The following SULT6B1 variants were observed in gnomAD, a reference collection of about 807,000 sequenced individuals.
SULT6B1 encodes sulfotransferase 6B1.
Under a neutral mutation model 37.2 loss-of-function variants are expected in SULT6B1, and 44 were observed. The ratio of observed to expected loss-of-function variants is 1.18; its 90% CI spans 0.93 to 1.52. The LOEUF is 1.52. Among genes scored for constraint, SULT6B1 ranks in the 40% most tolerant of loss-of-function variants. The pLI is 0.00. For missense variants in SULT6B1, 450 were observed against 361.0 expected (o/e 1.25, Z -2.00); for synonymous variants, 140 against 126.0 (o/e 1.11, Z -0.74).
intron 6 of SULT6B1, among the ~76,000 whole-genome samples, chr2:37,170,416 G>A (rs911550776): frequency 3.3e-5 from 5 of 151,792 alleles, no homozygotes; most frequent in African/African-American, 9.7e-5. Flanking sequence ...GCCGTGAGCC[G>A]AGATCGCACT....
intron 6 of SULT6B1, among the ~76,000 whole-genome samples, chr2:37,171,208 C>G (rs929234182): frequency 1.3e-5 from 2 of 152,128 alleles, no homozygotes; most frequent in African/African-American, 2.4e-5. Flanking sequence ...CCACTGCACT[C>G]CAGCCTGGGC....
rs1001680474 is a variant in SULT6B1 at position 37,175,964 on chromosome 2, T to C, written c.530-738A>G. ...AACTGAATTGTATATCCCTTAAAAATTTTGAATTAATTCCATTTTTTTAAA... is the reference window on the plus strand; with the variant it reads ...AACTGAATTGTATATCCCTTAAAAACTTTGAATTAATTCCATTTTTTTAAA... On this transcript the variant is annotated intron_variant, in intron 4 of 6. Coordinates refer to ENST00000535679, the MANE Select transcript of SULT6B1 (RefSeq NM_001367551.1). Among the ~76,000 whole-genome samples the C allele has an allele frequency of 2.0e-5, 3 of 152,352 alleles. No homozygotes were observed. The South Asian group carries it at 6.2e-4, about 32-fold the overall frequency.
chr2:37,194,304 T>C, intron 1 of SULT6B1: 1 of 203,110 alleles, frequency 4.9e-6, no homozygotes, highest in Non-Finnish European at 9.9e-6. Context: ...GGTCTTGAAC[T>C]CCTGACCTCA....
chr2:37,168,975 T>C (rs555968940), intron 6 of SULT6B1, among the ~76,000 whole-genome samples: 1 of 152,314 alleles, frequency 6.6e-6, no homozygotes, highest in South Asian at 2.1e-4. Flanking sequence ...TTTACAAATG[T>C]CATCAGCTAT....
intron 4 of SULT6B1, among the ~76,000 whole-genome samples, chr2:37,178,149 A>G (rs1019745336): frequency 1.3e-5 from 2 of 152,068 alleles, no homozygotes; most frequent in African/African-American, 4.8e-5. Flanking sequence ...GATTCAAACA[A>G]TTCTCCTGCA....
At position 37,188,437 on chromosome 2, in the gene SULT6B1, T is replaced by C. The variant is rs1572466999; in HGVS notation, c.199+5A>G. The stretch of plus-strand genomic sequence containing the variant: ...TGTACTTGTAGGAAACGACTTGTCA[T>C]TTACCGCACTTTGGATAAGATGCTA... On this transcript the variant is annotated splice_donor_5th_base_variant and intron_variant, in intron 1 of 6. Transcript: ENST00000535679. 4.3e-6 allele frequency: 7 copies of C among 1,611,982 alleles called. No individual in the cohort carries two copies. Among genetic ancestry groups the C allele is most frequent in the Middle Eastern group, 3.3e-4 (2 of 6,040 alleles).
Position 37,188,191 on chromosome 2 carries a change from C to T in SULT6B1, c.199+251G>A, listed in dbSNP as rs564229327. Among the ~76,000 whole-genome samples, 210 of 152,298 alleles carry T rather than the reference C, an allele frequency of 1.4e-3. 1 individual carries two copies. The highest frequency in any genetic ancestry group is 4.6e-3 in the African/African-American group (193 of 41,568). On this transcript the variant is annotated intron_variant, in intron 1 of 6. Transcript: ENST00000535679. ...TCCCTTCCAGGCCCGTCATCCACCC[C>T]CTTCTGCCCTCCATCCTCCATCATG...
chr2:37,173,303 G>T (rs952566133), intron 5 of SULT6B1, among the ~76,000 whole-genome samples: 1 of 152,068 alleles, frequency 6.6e-6, no homozygotes, highest in African/African-American at 2.4e-5. Flanking sequence ...CCGCTTCCTG[G>T]TCTCCTTTGC....
chr2:37,179,106 G>C (rs1356715795), intron 4 of SULT6B1, among the ~76,000 whole-genome samples: 1 of 152,022 alleles, frequency 6.6e-6, no homozygotes, highest in African/African-American at 2.4e-5. Context: ...CTACAGGTGC[G>C]TGCCACCACG....
chr2:37,192,219 C>G (rs142747101), upstream of SULT6B1, among the ~76,000 whole-genome samples: 72 of 152,296 alleles, frequency 4.7e-4, 1 homozygote, highest in Middle Eastern at 3.4e-3. Flanking sequence ...AGATGCATTC[C>G]TATTTCTGAA....
chr2:37,183,637 C>T lies in SULT6B1; in HGVS notation c.313-123G>A. 4.5e-6 allele frequency: 3 copies of T among 662,282 alleles called. No homozygotes were observed. In the South Asian group the frequency reaches 6.3e-5, roughly 14 times the overall value. The allele number at this position is 662,282 out of a possible 1,614,324, so 41.0% of individuals were successfully genotyped here. On this transcript the variant is annotated intron_variant, in intron 2 of 6. Transcript: ENST00000535679. ...TAGCACTACTGTCACTATATCTTCTCCTCCTCCTCCAATTTTTCTTTTTTG... is the reference window on the plus strand; with the variant it reads ...TAGCACTACTGTCACTATATCTTCTTCTCCTCCTCCAATTTTTCTTTTTTG...
At chr2:37,182,160 T>C (rs552433673) in intron 3 of SULT6B1, among the ~76,000 whole-genome samples, 30 of 152,288 alleles carry the variant, frequency 2.0e-4, no homozygotes, top group African/African-American at 6.7e-4. Context: ...ACCATTGAAA[T>C]TGTAGTCATC....
At position 37,168,084 on chromosome 2, in the gene SULT6B1, A is replaced by T. The variant is rs752327794; in HGVS notation, c.782-19T>A. On this transcript the variant is annotated intron_variant, in intron 6 of 6. Coordinates refer to ENST00000535679, the MANE Select transcript of SULT6B1 (RefSeq NM_001367551.1). The stretch of plus-strand genomic sequence containing the variant: ...ACTTCACCTACAACACACAAAAAAC[A>T]GTAGACCCAGATATCTGTTAGAATA... The T allele has an allele frequency of 1.3e-6, 2 of 1,562,978 alleles. No individual in the cohort carries two copies. Among genetic ancestry groups the T allele is most frequent in the Non-Finnish European group, 1.7e-6 (2 of 1,162,724 alleles).
At chr2:37,175,360 T>G in intron 4 of SULT6B1, 134 bp from the exon 5 acceptor site, 1 of 419,064 alleles carries the variant, frequency 2.4e-6, no homozygotes, top group Non-Finnish European at 4.2e-6. Flanking sequence ...TATAAATCCC[T>G]GCCACCAAAA....
chr2:37,182,908 A>ATGTG (rs1278840468), intron 3 of SULT6B1, among the ~76,000 whole-genome samples: 1 of 152,198 alleles, frequency 6.6e-6, no homozygotes, highest in Non-Finnish European at 1.5e-5. Flanking sequence ...TCAGCGAGGC[A>ATGTG]TGGTGTCCCA....
chr2:37,180,661 A>T (rs1449805404), intron 3 of SULT6B1, among the ~76,000 whole-genome samples: 2 of 152,172 alleles, frequency 1.3e-5, no homozygotes, highest in Non-Finnish European at 2.9e-5. Context: ...AGGCGGCTGG[A>T]TCACTTGAGA....
At chr2:37,171,396 C>T (rs769998801) in intron 6 of SULT6B1, 38 bp downstream of exon 6, 1 of 1,602,502 alleles carries the variant, frequency 6.2e-7, no homozygotes, top group Non-Finnish European at 8.5e-7. Flanking sequence ...AAGTCAGTCC[C>T]TAACTGATAA....
Position 37,187,403 on chromosome 2 carries a change from T to A in SULT6B1, c.264A>T (p.Lys88Asn). The change falls in exon 2 of 7, where the codon AAA (lysine) becomes AAT (asparagine). Residue 88 changes from lysine to asparagine, a missense_variant. By Grantham distance (94) the Lys-to-Asn change is moderately conservative. Transcript: ENST00000535679. ...LIYAVSKKKY[K>N]YPEFPVLECG... The stretch of plus-strand genomic sequence containing the variant: ...ATTCAAGAACTGGGAATTCTGGATA[T>A]TTATACTTTTTTTTAGAAACAGCAT... 3 of 1,609,336 alleles carry A rather than the reference T, an allele frequency of 1.9e-6. No homozygotes were observed. The highest frequency in any genetic ancestry group is 1.7e-4 in the Middle Eastern group (1 of 5,998).
chr2:37,173,814 T>A (rs1354532567), intron 5 of SULT6B1, among the ~76,000 whole-genome samples: 1 of 152,214 alleles, frequency 6.6e-6, no homozygotes, highest in Non-Finnish European at 1.5e-5. Context: ...TTCCTTTGCC[T>A]GGACTATTGC....
Sources: allele counts gnomAD v4.1 joint callset (sites outside exome capture counted in the v4.1 genomes callset), GRCh38; gene constraint gnomAD v4.1.1; transcripts MANE v1.5; gene names NCBI Gene and HGNC (gene_info 2026-07-23, HGNC 2026-07-21).